The following EYA1 variants were observed in gnomAD, a reference collection of about 807,000 sequenced individuals.
The protein encoded by EYA1 is EYA transcriptional coactivator and phosphatase 1, also known as protein phosphatase EYA1.
A neutral mutation model predicts 82.0 loss-of-function variants in EYA1; 16 were observed. That is an observed-to-expected ratio of 0.20 (90% confidence interval 0.13 to 0.30). The LOEUF is 0.30. Among genes scored for constraint, EYA1 ranks in the 10% least tolerant of loss-of-function variants. The pLI is 1.00. For missense variants in EYA1, 633 were observed against 730.7 expected (o/e 0.87, Z 1.54); for synonymous variants, 261 against 264.4 (o/e 0.99, Z 0.12).
chr8:71,457,713 A>G lies in EYA1; in HGVS notation c.33+78031T>C, dbSNP rs61147454. Among the ~76,000 whole-genome samples the G allele has an allele frequency of 1.4e-3, 212 of 152,318 alleles. 1 individual carries two copies. Among genetic ancestry groups the G allele is most frequent in the Middle Eastern group, 6.8e-3 (2 of 294 alleles). ...ACTCATAGGTGGGAATTGAACAATG[A>G]GAACACTTGGACACAGGAAGGGGAA... is the stretch of plus-strand genomic sequence containing the variant. On this transcript the variant is annotated intron_variant, in intron 2 of 18. Transcript: ENST00000643681.
rs572662960 is a variant in EYA1 at position 71,245,045 on chromosome 8, C to T, written c.1051-353G>A. Among the ~76,000 whole-genome samples the T allele has an allele frequency of 4.1e-4, 62 of 152,162 alleles. 1 individual carries two copies. The highest frequency in any genetic ancestry group is 2.4e-3 in the Admixed American group (36 of 15,268). ...AAAAATTCAGTGAATCAAGTAGCCA[C>T]TGGTTATGTTACGCCACAATCCATT... On this transcript the variant is annotated intron_variant, in intron 11 of 17. Coordinates refer to ENST00000340726, the MANE Select transcript of EYA1 (RefSeq NM_000503.6).
chr8:71,348,977 C>T (rs1826031257), intron 3 of EYA1, among the ~76,000 whole-genome samples: 1 of 152,148 alleles, frequency 6.6e-6, no homozygotes, highest in Non-Finnish European at 1.5e-5. Context: ...TTAAATTTCA[C>T]AGTAACACCG....
chr8:71,547,279 G>A (rs969153055), intron 1 of EYA1, among the ~76,000 whole-genome samples: 2 of 152,168 alleles, frequency 1.3e-5, no homozygotes, highest in Non-Finnish European at 1.5e-5. Flanking sequence ...TCACGCACAT[G>A]TCTAAGATGG....
At chr8:71,316,746 T>A (rs567163445) in intron 7 of EYA1, among the ~76,000 whole-genome samples, 1 of 152,190 alleles carries the variant, frequency 6.6e-6, no homozygotes, top group African/African-American at 2.4e-5. Flanking sequence ...CAACTATGGA[T>A]TGGCACTATT....
chr8:71,261,649 T>C (rs527768214), intron 11 of EYA1, among the ~76,000 whole-genome samples: 34 of 152,322 alleles, frequency 2.2e-4, no homozygotes, highest in Admixed American at 2.0e-3. Context: ...CAAAGACTAA[T>C]TTTGACTGTG....
intron 2 of EYA1, among the ~76,000 whole-genome samples, chr8:71,370,260 A>C (rs368870257): frequency 2.6e-5 from 4 of 151,696 alleles, no homozygotes; most frequent in African/African-American, 9.7e-5. Context: ...TGTGTCCACA[A>C]CACCATCATT....
chr8:71,248,158 T>C (rs949274619), intron 11 of EYA1, among the ~76,000 whole-genome samples: 1 of 152,214 alleles, frequency 6.6e-6, no homozygotes, highest in African/African-American at 2.4e-5. Context: ...TTGGTCTTAT[T>C]TACCTCTTAA....
intron 3 of EYA1, among the ~76,000 whole-genome samples, chr8:71,338,798 G>T (rs933658517): frequency 6.6e-6 from 1 of 152,206 alleles, no homozygotes; most frequent in African/African-American, 2.4e-5. Flanking sequence ...ACGCTGCAAC[G>T]CGCAGGGAAG....
intron 11 of EYA1, among the ~76,000 whole-genome samples, chr8:71,261,301 C>CT (rs1815076427): frequency 6.6e-6 from 1 of 152,094 alleles, no homozygotes. Context: ...AAAATATTAA[C>CT]TTTTTTCAAG....
chr8:71,459,378 C>T (rs1274573701), intron 2 of EYA1, among the ~76,000 whole-genome samples: 2 of 152,140 alleles, frequency 1.3e-5, no homozygotes, highest in Non-Finnish European at 2.9e-5. Context: ...GATTTCAAAA[C>T]ACCTCCAGCT....
chr8:71,269,948 C>T (rs912503906), intron 10 of EYA1, 125 bp from the exon 11 acceptor site: 2 of 739,436 alleles, frequency 2.7e-6, no homozygotes, highest in Non-Finnish European at 4.8e-6. Flanking sequence ...TTTATTATTT[C>T]AAAAAAAACA....
At chr8:71,441,161 A>G (rs1011605974) in intron 2 of EYA1, among the ~76,000 whole-genome samples, 37 of 152,190 alleles carry the variant, frequency 2.4e-4, no homozygotes, top group African/African-American at 8.9e-4. Context: ...ATTTCATAAG[A>G]CATGAACACT....
intron 2 of EYA1, among the ~76,000 whole-genome samples, chr8:71,494,001 C>T (rs560203549): frequency 0.012 from 1,140 of 96,782 alleles, 16 homozygotes; most frequent in African/African-American, 0.044. Flanking sequence ...CCAGCCTGGG[C>T]GACAGAGCGA....
chr8:71,396,324 C>G (rs1248152287), intron 2 of EYA1, among the ~76,000 whole-genome samples: 1 of 152,108 alleles, frequency 6.6e-6, no homozygotes, highest in African/African-American at 2.4e-5. Context: ...TATTTCTTGT[C>G]TTCTGCTAGC....
At chr8:71,365,998 C>T (rs762893310), upstream of EYA1, among the ~76,000 whole-genome samples, 1 of 152,118 alleles carries the variant, frequency 6.6e-6, no homozygotes, top group South Asian at 2.1e-4. Context: ...TATTTTAATA[C>T]ATATTACAGT....
At chr8:71,392,791 T>C (rs1472883236) in intron 2 of EYA1, among the ~76,000 whole-genome samples, 1 of 152,130 alleles carries the variant, frequency 6.6e-6, no homozygotes, top group East Asian at 1.9e-4. Context: ...TTGTCTTAAG[T>C]CTATCTCTTT....
intron 2 of EYA1, among the ~76,000 whole-genome samples, chr8:71,478,590 A>G (rs1019954741): frequency 2.6e-5 from 4 of 152,180 alleles, no homozygotes; most frequent in African/African-American, 9.7e-5. Context: ...GTGAACAGCC[A>G]CTCAGCCAGA....
rs3066856 is a variant in EYA1 at position 71,346,431 on chromosome 8, A to AATATATATATATATATATATATAT, written c.124+8327_124+8350dup. Among the ~76,000 whole-genome samples the AATATATATATATATATATATATAT allele has an allele frequency of 3.7e-4, 39 of 105,478 alleles. 1 individual carries two copies. The highest frequency in any genetic ancestry group is 1.0e-3 in the African/African-American group (30 of 29,422). The allele number at this position is 105,478 out of a possible 152,430, so 69.2% of individuals were successfully genotyped here. A position where few individuals can be genotyped will look rare whatever the true frequency, so the allele number is the denominator to read the frequency against. ...ACACTTTTATTTTTTTACTGCAGTG[A>AATATATATATATATATATATATAT]ATATATATATATATATATATATATC... On this transcript the variant is annotated intron_variant, in intron 3 of 17. Transcript: ENST00000340726.
chr8:71,263,456 T>A (rs375361609), intron 11 of EYA1, among the ~76,000 whole-genome samples: 13 of 152,220 alleles, frequency 8.5e-5, no homozygotes, highest in African/African-American at 3.1e-4. Flanking sequence ...TTTCTTTTGT[T>A]TGTGCCATTA....
Sources: gnomAD v4.1 joint callset for allele counts (sites outside exome capture counted in the v4.1 genomes callset) on GRCh38, gnomAD v4.1.1 for gene constraint, MANE v1.5 for transcripts, NCBI Gene and HGNC (gene_info 2026-07-23, HGNC 2026-07-21) for gene names.